POMK: variants seen among roughly 807,000 people sequenced by gnomAD.
POMK encodes Sugen kinase 196.
Under a neutral mutation model 23.0 loss-of-function variants are expected in POMK, and 19 were observed. The observed-to-expected ratio is 0.83, with a 90% confidence interval of 0.58 to 1.21. The LOEUF (loss-of-function observed/expected upper bound fraction) is 1.21, where lower values mean the gene tolerates loss of function less well. Among genes scored for constraint, POMK ranks in the 50% most tolerant of loss-of-function variants. The pLI is 0.00. For synonymous variants in POMK, 173 were observed against 171.6 expected, an observed-to-expected ratio of 1.01 and a Z score of -0.06; for missense variants, 410 against 431.3, an observed-to-expected ratio of 0.95 and a Z score of 0.44.
At chr8:43,110,502 T>G (rs748948189) in intron 4 of POMK, among the ~76,000 whole-genome samples, 34 of 152,246 alleles carry the variant, frequency 2.2e-4, no homozygotes, top group Non-Finnish European at 4.4e-4. Context: ...CATGAATACG[T>G]TCACAACTTA....
chr8:43,111,216 C>T (rs536218489), intron 4 of POMK, among the ~76,000 whole-genome samples: 1 of 152,304 alleles, frequency 6.6e-6, no homozygotes, highest in African/African-American at 2.4e-5. Context: ...TCGGGTCACT[C>T]CCACCCTAAT....
chr8:43,103,614 G>T lies in POMK; in HGVS notation c.66G>T (p.Gly22=), dbSNP rs778266586. 2.0e-5 allele frequency: 33 copies of T among 1,614,030 alleles called. No individual in the cohort carries two copies. The highest frequency in any genetic ancestry group is 2.8e-5 in the Non-Finnish European group (33 of 1,180,026). ...CCCGAGAGGTGCCGCCAGCTGTTGG[G>T]CTGCTGCTGATCATGGCCCTGATGA... ...LAPREVPPAV[G]LLLIMALMNT... is the part of the protein sequence containing the mutation. Residue 22 remains glycine, a synonymous_variant, in exon 4 of 5, where the codon GGG becomes GGT. Coordinates refer to ENST00000331373, the MANE Select transcript of POMK (RefSeq NM_032237.5).
intron 4 of POMK, among the ~76,000 whole-genome samples, chr8:43,106,112 CAG>C (rs1811538358): frequency 6.6e-6 from 1 of 152,206 alleles, no homozygotes; most frequent in Non-Finnish European, 1.5e-5. Flanking sequence ...TTCTCACTAA[CAG>C]AGTATAAGCG....
At chr8:43,110,213 AG>A (rs1472465937) in intron 4 of POMK, among the ~76,000 whole-genome samples, 1 of 152,140 alleles carries the variant, frequency 6.6e-6, no homozygotes, top group African/African-American at 2.4e-5. Context: ...AGTAGTCTCA[AG>A]TGCATATTAC....
intron 4 of POMK, among the ~76,000 whole-genome samples, chr8:43,117,272 C>T (rs577013420): frequency 1.6e-4 from 24 of 152,244 alleles, no homozygotes; most frequent in Admixed American, 8.5e-4. Context: ...ACAGGGGATG[C>T]GATGGCTTGG....
At chr8:43,119,959 A>T (rs1324102188) in intron 4 of POMK, among the ~76,000 whole-genome samples, 5 of 148,120 alleles carry the variant, frequency 3.4e-5, no homozygotes, top group Non-Finnish European at 4.5e-5. Flanking sequence ...TAAATTCCCA[A>T]TGTTAGTTTT....
intron 1 of POMK, among the ~76,000 whole-genome samples, chr8:43,094,803 C>G (rs1318059309): frequency 6.6e-6 from 1 of 152,170 alleles, no homozygotes; most frequent in Non-Finnish European, 1.5e-5. Flanking sequence ...AAGCCTTTCT[C>G]TATCAATAAG....
In POMK at chr8:43,123,056, GA is replaced by G. The variant is rs910668248; in HGVS notation, c.*180del. 3.1e-5 allele frequency: 18 copies of G among 588,464 alleles called. No individual in the cohort carries two copies. Among genetic ancestry groups the G allele is most frequent in the African/African-American group, 2.7e-4 (14 of 52,274 alleles). The allele number at this position is 588,464 out of a possible 1,614,324, so 36.5% of individuals were successfully genotyped here. A position where few individuals can be genotyped will look rare whatever the true frequency, so the allele number is the denominator to read the frequency against. ...TGTATGTAGTCCACATTGGTTGTTA[GA>G]TTTTTTTTTTTTTCTTTGAGATGCG... is the stretch of plus-strand genomic sequence containing the variant. On this transcript the variant is annotated 3_prime_UTR_variant, in exon 5 of 5. Coordinates refer to ENST00000331373, the MANE Select transcript of POMK (RefSeq NM_032237.5).
In POMK at chr8:43,093,526, G is replaced by C. The variant is rs920705759; in HGVS notation, c.-247G>C. 6.6e-6 allele frequency: 1 copy of C among 152,508 alleles called. No individual in the cohort carries two copies. Among genetic ancestry groups the C allele is most frequent in the African/African-American group, 2.4e-5 (1 of 41,466 alleles). The allele number at this position is 152,508 out of a possible 1,614,324, so 9.4% of individuals were successfully genotyped here. A position where few individuals can be genotyped will look rare whatever the true frequency, so the allele number is the denominator to read the frequency against. ...AGCGCAGTAGGCCCAGTGCGTGCTG[G>C]CCCGGGGTGGCAGGAGCCGCAGAGG... On this transcript the variant is annotated 5_prime_UTR_variant, in exon 1 of 5. Coordinates refer to ENST00000331373, the MANE Select transcript of POMK (RefSeq NM_032237.5).
intron 3 of POMK, among the ~76,000 whole-genome samples, chr8:43,103,317 G>A (rs962230129): frequency 1.3e-5 from 2 of 152,144 alleles, no homozygotes; most frequent in East Asian, 1.9e-4. Flanking sequence ...AGAGGAACCC[G>A]CATTTTAGTT....
intron 1 of POMK, among the ~76,000 whole-genome samples, chr8:43,096,729 A>G (rs1043295068): frequency 6.6e-6 from 1 of 152,224 alleles, no homozygotes; most frequent in Admixed American, 6.5e-5. Context: ...AGAAACTTCC[A>G]TGTATGCCTG....
chr8:43,103,810 G>C lies in POMK; in HGVS notation c.262G>C (p.Gly88Arg). The change falls in exon 4 of 5, where the codon GGG becomes CGG. Residue 88 changes from glycine (G) to arginine (R), a missense_variant. Gly to Arg is a moderately radical substitution (Grantham distance 125). Coordinates refer to ENST00000331373, the MANE Select transcript of POMK (RefSeq NM_032237.5). ...AGAAGTGAGACAGCTGAAGCGTGTT[G>C]GGGAAGGAGCTGTAAAGAGAGTGAG... ...RTEVRQLKRV[G>R]EGAVKRVFLS... 6.2e-7 allele frequency: 1 copy of C among 1,614,170 alleles called. No homozygotes were observed. Among genetic ancestry groups the C allele is most frequent in the Admixed American group, 1.7e-5 (1 of 60,018 alleles).
chr8:43,118,568 T>C (rs1004581868), intron 4 of POMK, among the ~76,000 whole-genome samples: 1 of 152,206 alleles, frequency 6.6e-6, no homozygotes, highest in Non-Finnish European at 1.5e-5. Flanking sequence ...AATAAAAGTC[T>C]TTTAGAAAAT....
intron 1 of POMK, among the ~76,000 whole-genome samples, chr8:43,094,967 C>G (rs1409206005): frequency 1.3e-5 from 2 of 152,172 alleles, no homozygotes; most frequent in African/African-American, 4.8e-5. Flanking sequence ...ACGAAAGTTC[C>G]TTTAGCCACA....
At chr8:43,093,679 C>T (rs779241996) in intron 1 of POMK, 116 bp downstream of exon 1, 7 of 152,568 alleles carry the variant, frequency 4.6e-5, no homozygotes, top group Non-Finnish European at 8.8e-5. Flanking sequence ...GGCCGCCTGC[C>T]CGCGGCCTGT....
intron 2 of POMK, among the ~76,000 whole-genome samples, chr8:43,101,517 C>T (rs1201556859): frequency 6.6e-6 from 1 of 151,880 alleles, no homozygotes; most frequent in Non-Finnish European, 1.5e-5. Context: ...GGCTCAAAGC[C>T]ATGTAGAACT....
At chr8:43,100,371 C>T (rs1811413476) in intron 2 of POMK, among the ~76,000 whole-genome samples, 1 of 151,926 alleles carries the variant, frequency 6.6e-6, no homozygotes, top group Non-Finnish European at 1.5e-5. Flanking sequence ...AGTTCCAAAG[C>T]AAGCTAATAG....
Position 43,123,127 on chromosome 8 carries a change from GC to G in POMK, c.*251del, listed in dbSNP as rs886921494. ...GCTGGAGTGCAGTGATGTGATCTTG[GC>G]TCACTGCAGCCTCTGCCTCCCAGGT... On this transcript the variant is annotated 3_prime_UTR_variant, in exon 5 of 5. Transcript: ENST00000331373. 1.3e-5 allele frequency: 5 copies of G among 371,762 alleles called. No individual in the cohort carries two copies. In the Admixed American group the frequency reaches 2.2e-4, roughly 16 times the overall value. The allele number at this position is 371,762 out of a possible 1,614,324, so 23.0% of individuals were successfully genotyped here.
intron 4 of POMK, among the ~76,000 whole-genome samples, chr8:43,120,590 T>C (rs775178827): frequency 1.3e-5 from 2 of 151,964 alleles, no homozygotes; most frequent in Non-Finnish European, 2.9e-5. Context: ...TATATATATA[T>C]ATTGAATGAT....
Sources: allele counts gnomAD v4.1 joint callset (sites outside exome capture counted in the v4.1 genomes callset), GRCh38; gene constraint gnomAD v4.1.1; transcripts MANE v1.5; gene names NCBI Gene and HGNC (gene_info 2026-07-23, HGNC 2026-07-21).